Variants in IDH3B observed in about 807,000 individuals in gnomAD.
IDH3B encodes isocitrate dehydrogenase [NAD] subunit beta, mitochondrial.
Under a neutral mutation model 47.5 loss-of-function variants are expected in IDH3B, and 40 were observed. The observed-to-expected ratio is 0.84, with a 90% CI of 0.65 to 1.10. The LOEUF (loss-of-function observed/expected upper bound fraction) is 1.10, where lower values mean the gene tolerates loss of function less well. IDH3B is among the 50% of genes least tolerant of loss of function. The pLI is 0.00. For synonymous variants in IDH3B, 185 were observed against 191.0 expected (o/e 0.97, Z 0.26); for missense variants, 450 against 505.2 (o/e 0.89, Z 1.05).
At chr20:2,663,267 C>T (rs2086982107) in intron 4 of IDH3B, among the ~76,000 whole-genome samples, 179 bp downstream of exon 4, 1 of 152,220 alleles carries the variant, frequency 6.6e-6, no homozygotes, top group African/African-American at 2.4e-5. Flanking sequence ...TCTGCATAGA[C>T]AGCTGACATG....
At chr20:2,661,668 A>C (rs537946098) in intron 4 of IDH3B, among the ~76,000 whole-genome samples, 94 of 152,332 alleles carry the variant, frequency 6.2e-4, no homozygotes, top group African/African-American at 2.1e-3. Flanking sequence ...TCAGGCAATA[A>C]GGATAACAAC....
chr20:2,658,914 G>A, intron 11 of IDH3B, 77 bp from the exon 12 acceptor site: 5 of 1,599,194 alleles, frequency 3.1e-6, no homozygotes, highest in Non-Finnish European at 4.3e-6. Context: ...ATGTGATTGA[G>A]GAAATGGAAG....
rs772565803 is a variant in IDH3B, at chr20:2,658,684, C to T, written c.*67G>A. On this transcript the variant is annotated 3_prime_UTR_variant, in exon 12 of 12. Transcript: ENST00000380843. ...ACTGCTTAGAGGCACAAGGTCTCTT[C>T]CCTGGTACACTGCACTGAAGGGTAT... 26 of 1,614,016 alleles carry T rather than the reference C, an allele frequency of 1.6e-5. No homozygotes were observed. Among genetic ancestry groups the T allele is most frequent in the Non-Finnish European group, 2.2e-5 (26 of 1,180,006 alleles).
rs750789870 is a variant in IDH3B, at chr20:2,660,962, A to T, written c.345T>A (p.Ile115=). The T allele has an allele frequency of 1.2e-6, 2 of 1,614,048 alleles. No homozygotes were observed. Among genetic ancestry groups the T allele is most frequent in the East Asian group, 4.5e-5 (2 of 44,876 alleles). The change falls in exon 5 of 12, where the codon ATT becomes ATA. Residue 115 remains isoleucine (I), a synonymous_variant. Transcript: ENST00000380843. The surrounding 1 kb of genome is among the most constrained non-coding windows in gnomAD (Gnocchi z 5.6). ...CCCCCTTATACTCCATCGGGGTATG[A>T]ATCTTTCCTGTGAAAACAAAGTGGG... ...KENKVAIIGK[I]HTPMEYKGEL...
chr20:2,659,468 G>A (rs1299371163), intron 11 of IDH3B, 57 bp downstream of exon 11: 2 of 1,584,560 alleles, frequency 1.3e-6, no homozygotes, highest in East Asian at 2.2e-5. Context: ...TAGTGCCGAG[G>A]TGCTGACACC....
In IDH3B at chr20:2,659,690, A is replaced by C; in HGVS notation, c.1010+9T>G. ...ACCCAACCTCTGCCGACAGCCTCCCATGACCTACTTAAGATGCCGCAGCAT... is the reference window on the plus strand; with the variant it reads ...ACCCAACCTCTGCCGACAGCCTCCCCTGACCTACTTAAGATGCCGCAGCAT... On this transcript the variant is annotated intron_variant, in intron 10 of 11. Coordinates refer to ENST00000380843, the MANE Select transcript of IDH3B (RefSeq NM_006899.5). 6.2e-7 allele frequency: 1 copy of C among 1,613,388 alleles called. No homozygotes were observed. The highest frequency in any genetic ancestry group is 8.5e-7 in the Non-Finnish European group (1 of 1,179,400).
At chr20:2,664,129 G>C (rs1290092064) in intron 1 of IDH3B, 24 bp downstream of exon 1, 1 of 1,612,388 alleles carries the variant, frequency 6.2e-7, no homozygotes, top group African/African-American at 1.3e-5. Context: ...GCCCGCCCCT[G>C]CCCGACATGT....
At position 2,658,500 on chromosome 20, in the gene IDH3B, C is replaced by CCACCCATGT. The variant is rs1230429075; in HGVS notation, c.*242_*250dup. On this transcript the variant is annotated 3_prime_UTR_variant, in exon 12 of 12. Transcript: ENST00000380843. Reference sequence around the variant, plus strand: ...AGTGAAGTCATGGCAAGTAGCATAGCCACCCATGTCAGAGGTTCGAACCTG... The same window carrying CCACCCATGT: ...AGTGAAGTCATGGCAAGTAGCATAGCCACCCATGTCACCCATGTCAGAGGTTCGAACCTG... 1.2e-6 allele frequency: 2 copies of CCACCCATGT among 1,613,998 alleles called. No individual in the cohort carries two copies. Among genetic ancestry groups the CCACCCATGT allele is most frequent in the Non-Finnish European group, 1.7e-6 (2 of 1,180,026 alleles).
At chr20:2,659,386 C>T (rs2086892700) in intron 11 of IDH3B, 139 bp downstream of exon 11, 2 of 1,550,728 alleles carry the variant, frequency 1.3e-6, no homozygotes, top group Non-Finnish European at 1.8e-6. Context: ...GAGAGGGATG[C>T]AGGGATGTCA....
chr20:2,662,951 T>C (rs1330144427), intron 4 of IDH3B, among the ~76,000 whole-genome samples: 1 of 147,788 alleles, frequency 6.8e-6, no homozygotes, highest in Non-Finnish European at 1.5e-5. Context: ...AGCGAGACTC[T>C]GTCTTAAAAC....
chr20:2,661,591 T>C (rs1347704899), intron 4 of IDH3B, among the ~76,000 whole-genome samples: 1 of 152,258 alleles, frequency 6.6e-6, no homozygotes, highest in African/African-American at 2.4e-5. Context: ...TGTGATCTTT[T>C]TATCTGTGCC....
At chr20:2,663,188 A>AAATGCAATG (rs1162487091) in intron 4 of IDH3B, among the ~76,000 whole-genome samples, 2 of 106,730 alleles carry the variant, frequency 1.9e-5, no homozygotes, top group Non-Finnish European at 4.4e-5. Context: ...GGTATTCCAG[A>AAATGCAATG]AATGCAATGA....
At chr20:2,659,837 G>T in intron 9 of IDH3B, 44 bp from the exon 10 acceptor site, 1 of 1,513,064 alleles carries the variant, frequency 6.6e-7, no homozygotes, top group South Asian at 1.1e-5. Context: ...GAGGCAGGAG[G>T]GGTATGCAGA....
chr20:2,662,885 A>ACG (rs2086972594), intron 4 of IDH3B, among the ~76,000 whole-genome samples: 2 of 152,308 alleles, frequency 1.3e-5, no homozygotes, highest in South Asian at 2.1e-4. Context: ...TGAACCCGGG[A>ACG]GGCAGAGGTT....
In IDH3B at chr20:2,659,692, G is replaced by T; in HGVS notation, c.1010+7C>A. 1 of 1,613,446 alleles carries T rather than the reference G, an allele frequency of 6.2e-7. No individual in the cohort carries two copies. Among genetic ancestry groups the T allele is most frequent in the Non-Finnish European group, 8.5e-7 (1 of 1,179,386 alleles). On this transcript the variant is annotated splice_region_variant and intron_variant, in intron 10 of 11. Transcript: ENST00000380843. ...CCAACCTCTGCCGACAGCCTCCCAT[G>T]ACCTACTTAAGATGCCGCAGCATGT...
At chr20:2,661,383 A>C (rs1294344319) in intron 4 of IDH3B, among the ~76,000 whole-genome samples, 3 of 152,200 alleles carry the variant, frequency 2.0e-5, no homozygotes, top group Non-Finnish European at 2.9e-5. Context: ...TTTTTAGTAG[A>C]GGCAGTGTCT....
intron 4 of IDH3B, among the ~76,000 whole-genome samples, chr20:2,661,177 CTG>C (rs71329398): frequency 0.093 from 13,966 of 150,078 alleles, 759 homozygotes; most frequent in East Asian, 0.21. Flanking sequence ...ATTGCATTTT[CTG>C]TGTGTGTGTG....
In IDH3B at chr20:2,660,758, T is replaced by C. The variant is rs981954746; in HGVS notation, c.470A>G (p.Asn157Ser). 7 of 1,614,166 alleles carry C rather than the reference T, an allele frequency of 4.3e-6. No homozygotes were observed. Among genetic ancestry groups the C allele is most frequent in the South Asian group, 1.1e-5 (1 of 91,084 alleles). The change falls in exon 6 of 12, where the codon AAT (asparagine) becomes AGT (serine). Residue 157 changes from asparagine (N) to serine (S), a missense_variant. Asn to Ser is a conservative substitution (Grantham distance 46). Coordinates refer to ENST00000380843, the MANE Select transcript of IDH3B (RefSeq NM_006899.5). The surrounding 1 kb of genome is among the most constrained non-coding windows in gnomAD (Gnocchi z 5.6). Reference protein sequence around the residue: ...SLPGYMTRHNNLDLVIIREQT... With the variant: ...SLPGYMTRHNSLDLVIIREQT... ...CTCTCGAATGATCACCAGGTCTAGA[T>C]TGTTGTGCCGAGTCATATACCCAGG...
At chr20:2,659,039 C>CCAGGG in intron 11 of IDH3B, 1 of 1,181,186 alleles carries the variant, frequency 8.5e-7, no homozygotes, top group East Asian at 2.7e-5. Context: ...TGTGCTGCAG[C>CCAGGG]CAGGGCAGGA....
Sources: gnomAD v4.1 joint callset for allele counts (sites outside exome capture counted in the v4.1 genomes callset) on GRCh38, gnomAD v4.1.1 for gene constraint, Gnocchi (gnomAD v3.1) non-coding constraint, MANE v1.5 for transcripts, NCBI Gene and HGNC (gene_info 2026-07-23, HGNC 2026-07-21) for gene names.